Variants in RAD51D observed in about 807,000 individuals in gnomAD.
The protein encoded by RAD51D is RAD51 paralog D.
RAD51D carries 38 observed loss-of-function variants against 44.1 expected under a neutral mutation model. The ratio of observed to expected loss-of-function variants is 0.86; its 90% CI spans 0.67 to 1.13. RAD51D has a LOEUF of 1.13. RAD51D is among the 50% of genes most tolerant of loss of function. RAD51D has a pLI of 0.00. For missense variants in RAD51D, 390 were observed against 414.0 expected, an observed-to-expected ratio of 0.94 and a Z score of 0.50; for synonymous variants, 141 against 166.6, an observed-to-expected ratio of 0.85 and a Z score of 1.18.
At position 35,095,176 on chromosome 17, in the gene RAD51D, T is replaced by C. The variant is rs1048591113; in HGVS notation, c.*5777A>G. ...CTTTGGTTGGAAGTTAGTTCTGAGT[T>C]AGTCCTTTGTTAAATTAAATTTGGG... On this transcript the variant is annotated 3_prime_UTR_variant, in exon 10 of 10. Coordinates refer to ENST00000345365, the MANE Select transcript of RAD51D (RefSeq NM_002878.4). 2.0e-5 allele frequency: 3 copies of C among 152,178 alleles called. No individual in the cohort carries two copies. Among genetic ancestry groups the C allele is most frequent in the Non-Finnish European group, 4.4e-5 (3 of 68,050 alleles). 9.4% of individuals were successfully genotyped at this position (152,178 alleles called of 1,614,324 possible).
chr17:35,113,611 C>T (rs1338042131), intron 3 of RAD51D: 1 of 429,316 alleles, frequency 2.3e-6, no homozygotes, highest in Non-Finnish European at 4.7e-6. Context: ...ATTATACCCA[C>T]AGGTTCCTGC....
In RAD51D at chr17:35,118,712, C is replaced by A. The variant is rs1032800919; in HGVS notation, c.145-93G>T. 8.5e-6 allele frequency: 8 copies of A among 937,534 alleles called. No individual in the cohort carries two copies. In the African/African-American group the frequency reaches 1.3e-4, roughly 15 times the overall value. The allele number at this position is 937,534 out of a possible 1,614,324, so 58.1% of individuals were successfully genotyped here. ...CACCCTACTTCTCAATATCTGAGAACCCTCTGCTCCCTTTGGCTTGGGATG... is the reference window on the plus strand; with the variant it reads ...CACCCTACTTCTCAATATCTGAGAAACCTCTGCTCCCTTTGGCTTGGGATG... On this transcript the variant is annotated intron_variant, in intron 2 of 9. Coordinates refer to ENST00000345365, the MANE Select transcript of RAD51D (RefSeq NM_002878.4).
In RAD51D at chr17:35,119,677, C is replaced by G. The variant is rs1253404524; in HGVS notation, c.-64G>C. On this transcript the variant is annotated 5_prime_UTR_variant, in exon 1 of 10. Transcript: ENST00000345365. ...GTCACGTGGGCATTCGCGGGGGGTC[C>G]TCTCCAGACGCCCCTCCCCTACCCC... 1 of 1,526,070 alleles carries G rather than the reference C, an allele frequency of 6.6e-7. No individual in the cohort carries two copies. Among genetic ancestry groups the G allele is most frequent in the Non-Finnish European group, 9.0e-7 (1 of 1,111,582 alleles). 94.5% of individuals were successfully genotyped at this position (1,526,070 alleles called of 1,614,324 possible).
intron 2 of RAD51D, 71 bp from the exon 3 acceptor site, chr17:35,118,690 C>T: frequency 8.7e-7 from 1 of 1,148,028 alleles, no homozygotes; most frequent in Non-Finnish European, 1.3e-6. Context: ...TGTCATTCAC[C>T]CTACTTCTCA....
rs576931055 is a variant in RAD51D at position 35,099,604 on chromosome 17, C to G, written c.*1349G>C. 5.7e-6 allele frequency: 2 copies of G among 351,832 alleles called. No individual in the cohort carries two copies. The highest frequency in any genetic ancestry group is 1.3e-4 in the East Asian group (2 of 15,670). The allele number at this position is 351,832 out of a possible 1,614,324, so 21.8% of individuals were successfully genotyped here. On this transcript the variant is annotated 3_prime_UTR_variant, in exon 10 of 10. Transcript: ENST00000345365. ...CCAACACCCTGGTGCCAGTTTGCCA[C>G]TCCTTCCCAATCCTCCATGATTCTA...
chr17:35,116,760 C>T, intron 3 of RAD51D: 1 of 895,654 alleles, frequency 1.1e-6, no homozygotes, highest in Non-Finnish European at 1.8e-6. Flanking sequence ...TCCCAAAGTG[C>T]TGTGATCACA....
At chr17:35,113,292 C>T (rs1378676248) in intron 3 of RAD51D, among the ~76,000 whole-genome samples, 1 of 152,080 alleles carries the variant, frequency 6.6e-6, no homozygotes, top group South Asian at 2.1e-4. Flanking sequence ...CTTTTTGAGA[C>T]GGAGTCTCGC....
At position 35,103,680 on chromosome 17, in the gene RAD51D, A is replaced by T; in HGVS notation, c.577-136T>A. 1.4e-6 allele frequency: 1 copy of T among 711,174 alleles called. No homozygotes were observed. Among genetic ancestry groups the T allele is most frequent in the Non-Finnish European group, 2.5e-6 (1 of 393,296 alleles). The allele number at this position is 711,174 out of a possible 1,614,324, so 44.1% of individuals were successfully genotyped here. A position where few individuals can be genotyped will look rare whatever the true frequency, so the allele number is the denominator to read the frequency against. ...ATACAGCAAGCTGCACGGGCATCAC[A>T]GAATGTCATCAGCAGCAATGTCTCC... On this transcript the variant is annotated intron_variant, in intron 6 of 9. Transcript: ENST00000345365. The surrounding 1 kb of genome is among the most constrained non-coding windows in gnomAD (Gnocchi z 4.1).
intron 8 of RAD51D, among the ~76,000 whole-genome samples, chr17:35,101,986 A>G (rs2142414389): frequency 6.6e-6 from 1 of 152,306 alleles, no homozygotes; most frequent in South Asian, 2.1e-4. Context: ...ATGGTTGTAC[A>G]GCGTTATGAA....
intron 3 of RAD51D, chr17:35,117,075 C>T (rs1214706216): frequency 3.2e-6 from 5 of 1,578,874 alleles, no homozygotes; most frequent in Admixed American, 1.8e-5. Context: ...CAAGGCCAAT[C>T]GGCTTCCTGT....
At chr17:35,114,870 G>A (rs1023921927) in intron 3 of RAD51D, among the ~76,000 whole-genome samples, 1 of 152,178 alleles carries the variant, frequency 6.6e-6, no homozygotes, top group Non-Finnish European at 1.5e-5. Flanking sequence ...AGAATATATA[G>A]AGTTGGGACC....
rs140825795 is a variant in RAD51D at position 35,119,588 on chromosome 17, C to A, written c.26G>T (p.Cys9Phe). 6.2e-7 allele frequency: 1 copy of A among 1,612,322 alleles called. No individual in the cohort carries two copies. Among genetic ancestry groups the A allele is most frequent in the Non-Finnish European group, 8.5e-7 (1 of 1,179,954 alleles). Residue 9 changes from cysteine to phenylalanine, a missense_variant, in exon 1 of 10, where the codon TGC becomes TTC. By Grantham distance (205) the Cys-to-Phe change is radical (BLOSUM62 -2). Coordinates refer to ENST00000345365, the MANE Select transcript of RAD51D (RefSeq NM_002878.4). MGVLRVGL[C>F]PGLTEEMIQL... ...GATCATCTCCTCGGTAAGGCCAGGG[C>A]ACAGTCCGACCCTGAGCACGCCCAT...
chr17:35,097,463 ATATGTGTGTATATATATG>A lies in RAD51D; in HGVS notation c.*3472_*3489del, dbSNP rs2091494340. 6.7e-6 allele frequency: 1 copy of A among 148,848 alleles called. No homozygotes were observed. Among genetic ancestry groups the A allele is most frequent in the Non-Finnish European group, 1.5e-5 (1 of 67,436 alleles). The allele number at this position is 148,848 out of a possible 1,614,324, so 9.2% of individuals were successfully genotyped here. On this transcript the variant is annotated 3_prime_UTR_variant, in exon 10 of 10. Coordinates refer to ENST00000345365, the MANE Select transcript of RAD51D (RefSeq NM_002878.4). ...TGTATATATATGTGTGTATATATAT[ATATGTGTGTATATATATG>A]TATATATATGTGTGTATATGTGTGT...
Position 35,119,724 on chromosome 17 carries a change from C to T in RAD51D, c.-111G>A. 1 of 1,087,714 alleles carries T rather than the reference C, an allele frequency of 9.2e-7. No homozygotes were observed. Among genetic ancestry groups the T allele is most frequent in the Non-Finnish European group, 1.4e-6 (1 of 725,502 alleles). 67.4% of individuals were successfully genotyped at this position (1,087,714 alleles called of 1,614,324 possible). On this transcript the variant is annotated 5_prime_UTR_variant, in exon 1 of 10. Coordinates refer to ENST00000345365, the MANE Select transcript of RAD51D (RefSeq NM_002878.4). ...CCCCTTCCTAGAGAGGACACAGGCG[C>T]GCTGGCTGCCGGAGGAGAAAGGAGA...
At chr17:35,109,151 G>A (rs944728830) in intron 3 of RAD51D, among the ~76,000 whole-genome samples, 1 of 152,134 alleles carries the variant, frequency 6.6e-6, no homozygotes, top group Admixed American at 6.6e-5. Context: ...ACAGACATGA[G>A]CCACCGTGCC....
At chr17:35,115,673 T>A (rs1430825282) in intron 3 of RAD51D, among the ~76,000 whole-genome samples, 1 of 151,876 alleles carries the variant, frequency 6.6e-6, no homozygotes, top group Non-Finnish European at 1.5e-5. Flanking sequence ...ATCGAGACCA[T>A]CCTGGCCAAC....
At position 35,097,779 on chromosome 17, in the gene RAD51D, G is replaced by GA. The variant is rs530316418; in HGVS notation, c.*3173dup. The GA allele has an allele frequency of 6.6e-6, 1 of 152,190 alleles. No homozygotes were observed. The highest frequency in any genetic ancestry group is 2.4e-5 in the African/African-American group (1 of 41,442). The allele number at this position is 152,190 out of a possible 1,614,324, so 9.4% of individuals were successfully genotyped here. The stretch of plus-strand genomic sequence containing the variant: ...GAGCCTGTAGGCAGACACGTGAACA[G>GA]AAAGTACAAGTGAATAACTAATACA... On this transcript the variant is annotated 3_prime_UTR_variant, in exon 10 of 10. Coordinates refer to ENST00000345365, the MANE Select transcript of RAD51D (RefSeq NM_002878.4).
chr17:35,115,923 G>GA (rs1555569845), intron 3 of RAD51D, among the ~76,000 whole-genome samples: 2 of 103,230 alleles, frequency 1.9e-5, no homozygotes, highest in Non-Finnish European at 4.5e-5. Context: ...AAGGAAGGAA[G>GA]GAAGGAAGGA....
At chr17:35,112,752 G>A (rs2091693149) in intron 3 of RAD51D, among the ~76,000 whole-genome samples, 1 of 152,196 alleles carries the variant, frequency 6.6e-6, no homozygotes, top group African/African-American at 2.4e-5. Context: ...TGATTTGTAT[G>A]TGTTGGTCTT....
Sources: gnomAD v4.1 joint callset for allele counts (sites outside exome capture counted in the v4.1 genomes callset) on GRCh38, gnomAD v4.1.1 for gene constraint, Gnocchi (gnomAD v3.1) non-coding constraint, MANE v1.5 for transcripts, NCBI Gene and HGNC (gene_info 2026-07-23, HGNC 2026-07-21) for gene names.